MEGF11: variants seen among roughly 807,000 people sequenced by gnomAD.
MEGF11 encodes the protein multiple epidermal growth factor-like domains protein 11.
A neutral mutation model predicts 146.6 loss-of-function variants in MEGF11; 126 were observed. The ratio of observed to expected loss-of-function variants is 0.86; its 90% CI spans 0.74 to 1.00. The LOEUF (loss-of-function observed/expected upper bound fraction) is 1.00. Among genes scored for constraint, MEGF11 ranks in the 50% least tolerant of loss-of-function variants. The probability of loss-of-function intolerance (pLI) is 0.00; values close to 1 mark genes in which losing one functional copy is unlikely to be tolerated. For missense variants in MEGF11, 1,509 were observed against 1,521.2 expected, an observed-to-expected ratio of 0.99 and a Z score of 0.13; for synonymous variants, 532 against 583.4, an observed-to-expected ratio of 0.91 and a Z score of 1.27.
Position 65,982,137 on chromosome 15 carries a change from A to AG in MEGF11, c.641+104dup. On this transcript the variant is annotated intron_variant, in intron 6 of 25. Transcript: ENST00000395614. The surrounding 1 kb of genome is among the most constrained non-coding windows in gnomAD (Gnocchi z 5.6). Reference sequence around the variant, plus strand: ...CAGCTGCGGTGAGGGCAGCCACTCCAGGCCCCGCCCCAGCCCCTCCACCTC... The same window carrying AG: ...CAGCTGCGGTGAGGGCAGCCACTCCAGGGCCCCGCCCCAGCCCCTCCACCTC... 1 of 1,288,960 alleles carries AG rather than the reference A, an allele frequency of 7.8e-7. No homozygotes were observed. The highest frequency in any genetic ancestry group is 1.5e-5 in the South Asian group (1 of 66,684). The allele number at this position is 1,288,960 out of a possible 1,614,324, so 79.8% of individuals were successfully genotyped here.
chr15:66,012,749 C>A (rs2082749177), intron 5 of MEGF11, among the ~76,000 whole-genome samples: 1 of 152,232 alleles, frequency 6.6e-6, no homozygotes, highest in Admixed American at 6.5e-5. Flanking sequence ...GAAGCACCTG[C>A]CCTCTGCTCC....
intron 5 of MEGF11, among the ~76,000 whole-genome samples, chr15:66,069,100 T>C (rs957815895): frequency 6.6e-6 from 1 of 152,192 alleles, no homozygotes; most frequent in Admixed American, 6.5e-5. Context: ...AAAATGGGAA[T>C]GATAATGGTA....
chr15:66,249,122 C>G (rs557514826), intron 1 of MEGF11, among the ~76,000 whole-genome samples: 5 of 152,306 alleles, frequency 3.3e-5, no homozygotes, highest in African/African-American at 1.2e-4. Flanking sequence ...GGAAGACAGA[C>G]AGACAGAGTT....
chr15:66,072,725 G>A (rs560377869), intron 5 of MEGF11, among the ~76,000 whole-genome samples: 33 of 152,332 alleles, frequency 2.2e-4, no homozygotes, highest in African/African-American at 7.9e-4. Flanking sequence ...TCCCTAGGCA[G>A]CTTTTTCTAG....
intron 1 of MEGF11, among the ~76,000 whole-genome samples, chr15:66,226,207 CT>C (rs2091849293): frequency 6.6e-6 from 1 of 152,074 alleles, no homozygotes; most frequent in Non-Finnish European, 1.5e-5. Flanking sequence ...ATCAGATCGA[CT>C]GTCGGTGGTA....
At chr15:66,183,242 G>A (rs1371802771) in intron 1 of MEGF11, among the ~76,000 whole-genome samples, 2 of 152,164 alleles carry the variant, frequency 1.3e-5, no homozygotes, top group Non-Finnish European at 2.9e-5. Context: ...GCTCACGCCT[G>A]TAATCCCAGC....
intron 5 of MEGF11, among the ~76,000 whole-genome samples, chr15:66,079,054 T>C (rs1200765147): frequency 6.6e-6 from 1 of 152,150 alleles, no homozygotes; most frequent in East Asian, 1.9e-4. Flanking sequence ...CCTGCTCAGA[T>C]GTGACTGGCC....
chr15:65,938,540 C>T (rs1358370505), intron 10 of MEGF11, among the ~76,000 whole-genome samples: 2 of 152,218 alleles, frequency 1.3e-5, no homozygotes, highest in African/African-American at 4.8e-5. Flanking sequence ...CTATCTTCAT[C>T]TATCCCCATC....
At chr15:66,100,712 A>G (rs2086756666) in intron 4 of MEGF11, among the ~76,000 whole-genome samples, 2 of 152,136 alleles carry the variant, frequency 1.3e-5, no homozygotes, top group African/African-American at 4.8e-5. Flanking sequence ...CTCCCAAAGC[A>G]TTTATTAAGC....
chr15:66,244,580 T>A (rs1376798995), intron 1 of MEGF11, among the ~76,000 whole-genome samples: 5 of 152,150 alleles, frequency 3.3e-5, no homozygotes, highest in African/African-American at 1.2e-4. Context: ...TCCTGCTGGC[T>A]GAGTGAGCAC....
At chr15:65,941,038 G>C (rs954345418) in intron 10 of MEGF11, among the ~76,000 whole-genome samples, 10 of 152,222 alleles carry the variant, frequency 6.6e-5, no homozygotes, top group African/African-American at 2.4e-4. Flanking sequence ...GCACAAATAT[G>C]TGATATGGCT....
chr15:66,192,177 C>T (rs953093085), intron 1 of MEGF11, among the ~76,000 whole-genome samples: 3 of 151,616 alleles, frequency 2.0e-5, no homozygotes, highest in East Asian at 3.9e-4. Context: ...ATGCTGAAAT[C>T]GTCATAATGG....
chr15:66,226,750 C>T (rs916301719), intron 1 of MEGF11, among the ~76,000 whole-genome samples: 2 of 152,116 alleles, frequency 1.3e-5, no homozygotes, highest in Non-Finnish European at 2.9e-5. Context: ...ACTGGGGGGG[C>T]TTGGAACATG....
intron 5 of MEGF11, among the ~76,000 whole-genome samples, chr15:66,088,050 T>G (rs1432212456): frequency 1.3e-5 from 2 of 152,200 alleles, no homozygotes; most frequent in Non-Finnish European, 2.9e-5. Flanking sequence ...GAACCCACCT[T>G]TATGCACATA....
chr15:66,047,153 G>A (rs2084241428), intron 5 of MEGF11, among the ~76,000 whole-genome samples: 1 of 152,192 alleles, frequency 6.6e-6, no homozygotes, highest in Admixed American at 6.5e-5. Context: ...CACAGATGAG[G>A]GATTCAGTGA....
At chr15:66,102,497 G>T (rs998620684) in intron 4 of MEGF11, among the ~76,000 whole-genome samples, 28 of 148,284 alleles carry the variant, frequency 1.9e-4, no homozygotes, top group African/African-American at 6.1e-4. Flanking sequence ...AGCCATCACA[G>T]CTCACTGTAA....
At chr15:66,078,572 C>T (rs2085694956) in intron 5 of MEGF11, among the ~76,000 whole-genome samples, 1 of 152,228 alleles carries the variant, frequency 6.6e-6, no homozygotes, top group Non-Finnish European at 1.5e-5. Flanking sequence ...GCACCTTCTC[C>T]CTCTCCTTCC....
chr15:66,172,483 G>A (rs982894349), intron 1 of MEGF11, among the ~76,000 whole-genome samples: 1 of 152,176 alleles, frequency 6.6e-6, no homozygotes, highest in East Asian at 1.9e-4. Flanking sequence ...AGGGAGGGGC[G>A]TGAGGCTGGG....
At chr15:66,029,799 T>C (rs569035200) in intron 5 of MEGF11, among the ~76,000 whole-genome samples, 1 of 152,184 alleles carries the variant, frequency 6.6e-6, no homozygotes, top group Non-Finnish European at 1.5e-5. Flanking sequence ...ACGCCCCTCC[T>C]GGGGCTTCCG....
Sources: allele counts gnomAD v4.1 joint callset (sites outside exome capture counted in the v4.1 genomes callset), GRCh38; gene constraint gnomAD v4.1.1; non-coding constraint Gnocchi (gnomAD v3.1); transcripts MANE v1.5; gene names NCBI Gene and HGNC (gene_info 2026-07-23, HGNC 2026-07-21).